The following ST7 variants were observed in gnomAD, a reference collection of about 807,000 sequenced individuals.
The protein encoded by ST7 is suppressor of tumorigenicity 7 protein.
In ST7, 28 loss-of-function variants were observed where a neutral mutation model predicts 78.7. The ratio of observed to expected loss-of-function variants is 0.36; its 90% CI spans 0.26 to 0.49. The LOEUF (loss-of-function observed/expected upper bound fraction) is 0.49. Among genes scored for constraint, ST7 ranks in the 20% least tolerant of loss-of-function variants. The probability of loss-of-function intolerance (pLI) is 0.99; values close to 1 mark genes in which losing one functional copy is unlikely to be tolerated. For synonymous variants in ST7, 247 were observed against 249.6 expected (o/e 0.99, Z 0.10); for missense variants, 418 against 696.0 (o/e 0.60, Z 4.49).
intron 1 of ST7, chr7:117,022,941 C>A (rs1296741765): frequency 2.0e-5 from 3 of 152,120 alleles, no homozygotes; most frequent in South Asian, 2.1e-4. Flanking sequence ...TTTCCATTTC[C>A]CCTGGAAGTT....
chr7:117,219,751 C>G lies in ST7; in HGVS notation c.1498+575C>G, dbSNP rs759709356. 1.3e-5 allele frequency among the ~76,000 whole-genome samples: 2 copies of G among 152,234 alleles called. No individual in the cohort carries two copies. Among genetic ancestry groups the G allele is most frequent in the Non-Finnish European group, 2.9e-5 (2 of 68,034 alleles). On this transcript the variant is annotated intron_variant, in intron 14 of 15. Transcript: ENST00000323984. The surrounding 1 kb of genome is among the most constrained non-coding windows in gnomAD (Gnocchi z 5.1). ...CTCGGAGTACCATGTGCAGAGCACA[C>G]GTGTAGCCTCAGCACTGTATGAAAG...
intron 1 of ST7, among the ~76,000 whole-genome samples, chr7:117,084,564 G>A (rs966492328): frequency 2.0e-5 from 3 of 152,116 alleles, no homozygotes; most frequent in South Asian, 4.2e-4. Context: ...GTCTATCTGC[G>A]TGACTTTGGA....
chr7:117,082,102 C>T (rs760150815), intron 1 of ST7, among the ~76,000 whole-genome samples: 40 of 152,126 alleles, frequency 2.6e-4, no homozygotes, highest in Non-Finnish European at 5.0e-4. Context: ...TTGAACCAGG[C>T]CCACCCAGAT....
intron 10 of ST7, among the ~76,000 whole-genome samples, chr7:117,179,268 A>C (rs1383739760): frequency 6.6e-6 from 1 of 152,220 alleles, no homozygotes; most frequent in African/African-American, 2.4e-5. Flanking sequence ...ATATCAAGAT[A>C]TTTGAGATGT....
intron 1 of ST7, among the ~76,000 whole-genome samples, chr7:117,051,895 A>G (rs1797808277): frequency 6.6e-6 from 1 of 152,200 alleles, no homozygotes; most frequent in African/African-American, 2.4e-5. Context: ...ATAGAGAAGG[A>G]CATGCAACAA....
At chr7:117,216,026 G>A (rs1207261443) in intron 13 of ST7, among the ~76,000 whole-genome samples, 4 of 151,956 alleles carry the variant, frequency 2.6e-5, no homozygotes, top group Non-Finnish European at 2.9e-5. Flanking sequence ...GGAAAATCAG[G>A]AATTAACTTG....
rs59758361 is a variant in ST7, at chr7:117,141,381, G to A, written c.963+2849G>A. Among the ~76,000 whole-genome samples the A allele has an allele frequency of 2.4e-3, 369 of 152,294 alleles. 2 individuals carry two copies. The highest frequency in any genetic ancestry group is 8.6e-3 in the African/African-American group (358 of 41,566). ...AAAAAAAAATGAAAGGGAATTCTGG[G>A]AAGGCCAGCAGTAGATAATTTCTTA... On this transcript the variant is annotated intron_variant, in intron 9 of 15. Transcript: ENST00000323984.
chr7:117,096,067 C>CA (rs35970973), intron 1 of ST7, among the ~76,000 whole-genome samples: 3,809 of 35,710 alleles, frequency 0.11, 810 homozygotes, highest in Non-Finnish European at 0.14. Flanking sequence ...GATTCTGCCT[C>CA]AAAAAAAAAA....
At chr7:117,187,081 C>T (rs566096584) in intron 10 of ST7, among the ~76,000 whole-genome samples, 1 of 152,284 alleles carries the variant, frequency 6.6e-6, no homozygotes, top group South Asian at 2.1e-4. Context: ...AATTTAGGAT[C>T]CGTTTCTTTA....
At chr7:116,982,072 T>G (rs1793984032) in intron 1 of ST7, among the ~76,000 whole-genome samples, 1 of 152,230 alleles carries the variant, frequency 6.6e-6, no homozygotes, top group South Asian at 2.1e-4. Flanking sequence ...ATAGGAACCT[T>G]TCAGTTCCAC....
chr7:117,039,201 G>A (rs1403207830), intron 1 of ST7, among the ~76,000 whole-genome samples: 1 of 151,992 alleles, frequency 6.6e-6, no homozygotes, highest in Non-Finnish European at 1.5e-5. Context: ...ACTAGAATTG[G>A]AGGCCAAAAG....
chr7:117,226,211 G>C (rs1725160195), intron 15 of ST7, among the ~76,000 whole-genome samples: 1 of 152,188 alleles, frequency 6.6e-6, no homozygotes, highest in Admixed American at 6.5e-5. Context: ...TGTTAATGAA[G>C]CCTGTTGGGA....
intron 9 of ST7, among the ~76,000 whole-genome samples, chr7:117,162,818 A>G (rs926586031): frequency 3.3e-5 from 5 of 152,120 alleles, no homozygotes. Context: ...CTGTTTTTGT[A>G]ATTAAAGTTA....
chr7:117,047,794 A>G (rs1248033439), intron 1 of ST7, among the ~76,000 whole-genome samples: 1 of 152,222 alleles, frequency 6.6e-6, no homozygotes, highest in East Asian at 1.9e-4. Context: ...GAGAAATCGA[A>G]TGCAGAAGTA....
chr7:117,026,533 A>T (rs1563021167), intron 1 of ST7, among the ~76,000 whole-genome samples: 2 of 152,218 alleles, frequency 1.3e-5, no homozygotes, highest in East Asian at 3.8e-4. Flanking sequence ...ATTAATTCAG[A>T]TACTTATGAG....
In ST7 at chr7:117,052,487, A is replaced by G. The variant is rs564266496; in HGVS notation, c.152-47275A>G. On this transcript the variant is annotated intron_variant, in intron 1 of 15. Coordinates refer to ENST00000323984, the MANE Select transcript of ST7 (RefSeq NM_001369598.1). ...CATCAGGTATTATTCTTTTAATAAT[A>G]ACTTTTTTTGTTATGAATAAAATAT... 2.0e-5 allele frequency among the ~76,000 whole-genome samples: 3 copies of G among 152,360 alleles called. No individual in the cohort carries two copies. In the South Asian group the frequency reaches 6.2e-4, roughly 32 times the overall value.
intron 2 of ST7, among the ~76,000 whole-genome samples, chr7:117,108,481 T>C (rs1404424152): frequency 6.6e-6 from 1 of 152,234 alleles, no homozygotes; most frequent in Non-Finnish European, 1.5e-5. Context: ...CCAAGCTGTT[T>C]TGGTGACTGT....
chr7:117,143,335 T>C (rs1805484323), intron 9 of ST7, among the ~76,000 whole-genome samples: 1 of 152,204 alleles, frequency 6.6e-6, no homozygotes, highest in African/African-American at 2.4e-5. Context: ...GCCTCTCATT[T>C]CTCACAGATC....
chr7:117,037,524 C>A (rs895601620), intron 1 of ST7, among the ~76,000 whole-genome samples: 1 of 152,116 alleles, frequency 6.6e-6, no homozygotes, highest in Non-Finnish European at 1.5e-5. Context: ...TCACATTGTC[C>A]TATTGGGGCT....
Sources: gnomAD v4.1 joint callset for allele counts (sites outside exome capture counted in the v4.1 genomes callset) on GRCh38, gnomAD v4.1.1 for gene constraint, Gnocchi (gnomAD v3.1) non-coding constraint, MANE v1.5 for transcripts, NCBI Gene and HGNC (gene_info 2026-07-23, HGNC 2026-07-21) for gene names.